C1orf21: variants seen among roughly 807,000 people sequenced by gnomAD.
The protein encoded by C1orf21 is chromosome 1 open reading frame 21.
C1orf21 carries 3 observed loss-of-function variants against 18.7 expected under a neutral mutation model. The observed-to-expected ratio is 0.16, with a 90% CI of 0.07 to 0.42. The LOEUF (loss-of-function observed/expected upper bound fraction) is 0.42. C1orf21 is among the 10% of genes least tolerant of loss of function. The probability of loss-of-function intolerance (pLI) is 0.99; values close to 1 mark genes in which losing one functional copy is unlikely to be tolerated. For missense variants in C1orf21, 104 were observed against 143.6 expected, an observed-to-expected ratio of 0.72 and a Z score of 1.41; for synonymous variants, 41 against 46.4, an observed-to-expected ratio of 0.88 and a Z score of 0.47.
intron 2 of C1orf21, among the ~76,000 whole-genome samples, chr1:184,486,915 T>C (rs936201493): frequency 1.3e-4 from 20 of 152,322 alleles, no homozygotes; most frequent in African/African-American, 3.8e-4. Context: ...TTTCTTCAAT[T>C]ACTCCCTTGC....
chr1:184,440,394 C>G (rs1312499812), intron 1 of C1orf21, among the ~76,000 whole-genome samples: 1 of 152,068 alleles, frequency 6.6e-6, no homozygotes, highest in Non-Finnish European at 1.5e-5. Context: ...AGGCGCACGC[C>G]CTACACCGGC....
intron 1 of C1orf21, among the ~76,000 whole-genome samples, chr1:184,469,489 A>G (rs1023902405): frequency 1.3e-5 from 2 of 152,212 alleles, no homozygotes; most frequent in South Asian, 2.1e-4. Context: ...ATGAAAACAC[A>G]TGTGCTTTTC....
At chr1:184,522,419 C>T (rs530635016) in intron 3 of C1orf21, among the ~76,000 whole-genome samples, 1 of 152,102 alleles carries the variant, frequency 6.6e-6, no homozygotes, top group African/African-American at 2.4e-5. Context: ...TACCATTCTC[C>T]AATAAAAGGA....
chr1:184,462,521 G>C (rs1333213660), intron 1 of C1orf21, among the ~76,000 whole-genome samples: 1 of 152,162 alleles, frequency 6.6e-6, no homozygotes, highest in African/African-American at 2.4e-5. Context: ...TGAGGGCATA[G>C]ATTAGGAGGT....
chr1:184,592,407 A>T (rs1206855022), intron 4 of C1orf21, among the ~76,000 whole-genome samples: 1 of 152,228 alleles, frequency 6.6e-6, no homozygotes, highest in Non-Finnish European at 1.5e-5. Context: ...AGGTCATTGC[A>T]TGTTCAAAAG....
intron 3 of C1orf21, among the ~76,000 whole-genome samples, chr1:184,547,420 C>CTTTTTTTTTTTT (rs34169321): frequency 3.9e-5 from 4 of 102,938 alleles, no homozygotes; most frequent in African/African-American, 8.8e-5. Flanking sequence ...TACATCCAGA[C>CTTTTTTTTTTTT]TTTTTTTTTT....
chr1:184,591,947 G>A (rs980395583), intron 4 of C1orf21, among the ~76,000 whole-genome samples: 2 of 152,184 alleles, frequency 1.3e-5, no homozygotes, highest in African/African-American at 4.8e-5. Context: ...AGGCAGTAGA[G>A]TAAGCAGCGA....
chr1:184,578,249 C>G (rs1659223633), intron 3 of C1orf21, among the ~76,000 whole-genome samples: 1 of 152,200 alleles, frequency 6.6e-6, no homozygotes, highest in East Asian at 1.9e-4. Context: ...AGCCACCATG[C>G]CTGGCCAGTA....
intron 5 of C1orf21, among the ~76,000 whole-genome samples, chr1:184,604,027 C>T (rs1044803523): frequency 6.6e-6 from 1 of 152,088 alleles, no homozygotes; most frequent in African/African-American, 2.4e-5. Flanking sequence ...TGTTATGAGT[C>T]GGTGTGTCAG....
chr1:184,508,599 G>A (rs1388432951), intron 3 of C1orf21, among the ~76,000 whole-genome samples: 2 of 151,990 alleles, frequency 1.3e-5, no homozygotes, highest in East Asian at 3.9e-4. Flanking sequence ...GAGTATTTAG[G>A]GCTGTTATTT....
intron 1 of C1orf21, among the ~76,000 whole-genome samples, chr1:184,401,709 A>G (rs1346955643): frequency 6.6e-6 from 1 of 151,794 alleles, no homozygotes; most frequent in African/African-American, 2.4e-5. Flanking sequence ...ATTTCCTTAC[A>G]TCCAGGTTAT....
intron 3 of C1orf21, among the ~76,000 whole-genome samples, chr1:184,538,356 T>G (rs764390266): frequency 3.3e-5 from 5 of 152,244 alleles, no homozygotes; most frequent in Non-Finnish European, 5.9e-5. Context: ...CTATATATAT[T>G]TTGATATTAA....
chr1:184,613,677 C>T (rs545687981), intron 5 of C1orf21, among the ~76,000 whole-genome samples: 50 of 152,234 alleles, frequency 3.3e-4, no homozygotes, highest in African/African-American at 1.2e-3. Context: ...GCACTGCTTC[C>T]CTCCAAAGCC....
chr1:184,541,941 C>G (rs775338740), intron 3 of C1orf21, among the ~76,000 whole-genome samples: 6 of 152,178 alleles, frequency 3.9e-5, no homozygotes, highest in Non-Finnish European at 7.3e-5. Context: ...TATCCTATGA[C>G]AGTTTTACAA....
At chr1:184,510,637 A>C (rs1658129771) in intron 3 of C1orf21, among the ~76,000 whole-genome samples, 1 of 152,234 alleles carries the variant, frequency 6.6e-6, no homozygotes, top group South Asian at 2.1e-4. Flanking sequence ...TGGTTGGGAA[A>C]TGGCAGAGAA....
At chr1:184,423,232 C>T (rs543966136) in intron 1 of C1orf21, among the ~76,000 whole-genome samples, 1 of 152,180 alleles carries the variant, frequency 6.6e-6, no homozygotes. Context: ...AATAAAGATT[C>T]CTTCCTCATT....
chr1:184,566,640 T>C (rs1571280516), intron 3 of C1orf21: 1 of 388,310 alleles, frequency 2.6e-6, no homozygotes, highest in Non-Finnish European at 5.0e-6. Flanking sequence ...ACAGCTCTTT[T>C]GGGGCATAGT....
chr1:184,580,165 G>C (rs1279166207), intron 3 of C1orf21, among the ~76,000 whole-genome samples: 1 of 151,782 alleles, frequency 6.6e-6, no homozygotes, highest in South Asian at 2.1e-4. Context: ...CTCTTGACTG[G>C]TTCACTTTTG....
At chr1:184,609,387 T>A (rs1659694971) in intron 5 of C1orf21, among the ~76,000 whole-genome samples, 1 of 152,190 alleles carries the variant, frequency 6.6e-6, no homozygotes, top group Non-Finnish European at 1.5e-5. Flanking sequence ...CCATCCAAGT[T>A]CAACATAAAT....
Sources: gnomAD v4.1 joint callset for allele counts (sites outside exome capture counted in the v4.1 genomes callset) on GRCh38, gnomAD v4.1.1 for gene constraint, MANE v1.5 for transcripts, NCBI Gene and HGNC (gene_info 2026-07-23, HGNC 2026-07-21) for gene names.